NELL1: variants seen among roughly 807,000 people sequenced by gnomAD.
NELL1 encodes neural EGFL like 1, also known as protein kinase C-binding protein NELL1.
In NELL1, 76 loss-of-function variants were observed where a neutral mutation model predicts 107.4. The ratio of observed to expected loss-of-function variants is 0.71; its 90% CI spans 0.59 to 0.86. The LOEUF (loss-of-function observed/expected upper bound fraction) is 0.86, where lower values mean the gene tolerates loss of function less well. Among genes scored for constraint, NELL1 ranks in the 40% least tolerant of loss-of-function variants. NELL1 has a pLI of 0.00. For synonymous variants in NELL1, 353 were observed against 341.2 expected (o/e 1.03, Z -0.38); for missense variants, 1,024 against 1,005.5 (o/e 1.02, Z -0.25).
intron 3 of NELL1, among the ~76,000 whole-genome samples, chr11:20,824,173 C>T (rs1033016643): frequency 3.3e-5 from 5 of 151,180 alleles, no homozygotes; most frequent in South Asian, 2.1e-4. Context: ...TCCCCCACTT[C>T]GCTCTGTGCT....
At chr11:20,787,965 T>C (rs566536544) in intron 3 of NELL1, among the ~76,000 whole-genome samples, 2 of 152,338 alleles carry the variant, frequency 1.3e-5, no homozygotes, top group South Asian at 2.1e-4. Flanking sequence ...ACACTGTGTA[T>C]CCCTTTTTGA....
chr11:21,441,643 G>A (rs914931129), intron 15 of NELL1, among the ~76,000 whole-genome samples: 4 of 151,998 alleles, frequency 2.6e-5, no homozygotes, highest in African/African-American at 9.7e-5. Context: ...CTGCTTCTTA[G>A]GGTGGCAATG....
At chr11:21,023,980 G>A (rs1383577030) in intron 12 of NELL1, among the ~76,000 whole-genome samples, 1 of 152,014 alleles carries the variant, frequency 6.6e-6, no homozygotes, top group African/African-American at 2.4e-5. Context: ...AGATGCAAAT[G>A]TTTCTTAGAA....
intron 12 of NELL1, among the ~76,000 whole-genome samples, chr11:21,035,106 T>C (rs988381552): frequency 1.3e-5 from 2 of 151,274 alleles, no homozygotes; most frequent in African/African-American, 4.8e-5. Flanking sequence ...AGTCTATATA[T>C]ATAAACTGGA....
At chr11:20,908,202 G>A (rs757895266) in intron 5 of NELL1, among the ~76,000 whole-genome samples, 3 of 152,140 alleles carry the variant, frequency 2.0e-5, no homozygotes, top group Admixed American at 6.6e-5. Flanking sequence ...CCATTGCTGG[G>A]TATATAGCCA....
intron 12 of NELL1, among the ~76,000 whole-genome samples, chr11:20,974,647 C>T (rs1347600403): frequency 6.6e-6 from 1 of 152,144 alleles, no homozygotes; most frequent in African/African-American, 2.4e-5. Context: ...CACAACTTCT[C>T]ATAAGCTATG....
chr11:21,128,398 C>A (rs976082449), intron 13 of NELL1, among the ~76,000 whole-genome samples: 13 of 151,960 alleles, frequency 8.6e-5, no homozygotes, highest in African/African-American at 2.7e-4. Flanking sequence ...CGTTGATAAG[C>A]AGACTATAGG....
chr11:21,149,114 G>C (rs1398348897), intron 13 of NELL1, among the ~76,000 whole-genome samples: 1 of 152,110 alleles, frequency 6.6e-6, no homozygotes, highest in African/African-American at 2.4e-5. Flanking sequence ...CCATATTATT[G>C]TTAAAAGCCC....
Position 20,918,195 on chromosome 11 carries a change from A to G in NELL1, c.617A>G (p.Asp206Gly). ...TCTATTATCAAGGGGATCATCCAAGATGGGAAGATCATCTTTATGCCGAAT... is the reference window on the plus strand; with the variant it reads ...TCTATTATCAAGGGGATCATCCAAGGTGGGAAGATCATCTTTATGCCGAAT... Reference protein sequence around the residue: ...KHGLFKGIIQDGKIIFMPNGY... With the variant: ...KHGLFKGIIQGGKIIFMPNGY... The change falls in exon 6 of 20, where the codon GAT (aspartate) becomes GGT (glycine). Residue 206 changes from aspartate (D) to glycine (G), a missense_variant. Coordinates refer to ENST00000357134, the MANE Select transcript of NELL1 (RefSeq NM_006157.5). 1.3e-6 allele frequency: 2 copies of G among 1,593,458 alleles called. No homozygotes were observed. The highest frequency in any genetic ancestry group is 1.7e-6 in the Non-Finnish European group (2 of 1,162,044).
chr11:21,386,140 C>A (rs2133775756), intron 15 of NELL1, among the ~76,000 whole-genome samples: 1 of 151,806 alleles, frequency 6.6e-6, no homozygotes, highest in African/African-American at 2.4e-5. Context: ...GTATTACAAC[C>A]AACATTTGTT....
intron 2 of NELL1, among the ~76,000 whole-genome samples, chr11:20,738,176 CGT>C (rs1398863335): frequency 6.6e-6 from 1 of 152,074 alleles, no homozygotes; most frequent in Non-Finnish European, 1.5e-5. Context: ...CAGCTGTGCA[CGT>C]GTGTTTTCCA....
At chr11:21,539,602 G>A (rs566038834) in intron 16 of NELL1, among the ~76,000 whole-genome samples, 25 of 151,698 alleles carry the variant, frequency 1.6e-4, no homozygotes, top group Middle Eastern at 3.4e-3. Context: ...TCCTCTCTGA[G>A]TGTCCCCAGC....
chr11:21,492,724 A>G (rs1231570668), intron 15 of NELL1, among the ~76,000 whole-genome samples: 1 of 119,094 alleles, frequency 8.4e-6, no homozygotes, highest in Non-Finnish European at 1.6e-5. Context: ...GAAGGGGAAC[A>G]TCACACTCTG....
intron 2 of NELL1, among the ~76,000 whole-genome samples, chr11:20,686,470 G>A (rs889857240): frequency 2.0e-5 from 3 of 152,110 alleles, no homozygotes; most frequent in African/African-American, 4.8e-5. Context: ...AGAATGATTC[G>A]TGAATCAGGC....
intron 15 of NELL1, among the ~76,000 whole-genome samples, chr11:21,445,818 A>C (rs2133851687): frequency 6.6e-6 from 1 of 152,324 alleles, no homozygotes; most frequent in Non-Finnish European, 1.5e-5. Context: ...TGCAGGATAT[A>C]CTATTCTAAG....
rs137892390 is a variant in NELL1, at chr11:21,274,808, G to A, written c.1549+45354G>A. Among the ~76,000 whole-genome samples the A allele has an allele frequency of 7.7e-4, 117 of 152,134 alleles. No individual in the cohort carries two copies. In the East Asian group the frequency reaches 0.013, roughly 17 times the overall value. Reference sequence around the variant, plus strand: ...CTGTTCCTGAATGACTACTGGGTACGTAACGAAATGAAGGCAGAAATAAAG... The same window carrying A: ...CTGTTCCTGAATGACTACTGGGTACATAACGAAATGAAGGCAGAAATAAAG... On this transcript the variant is annotated intron_variant, in intron 14 of 19. Coordinates refer to ENST00000357134, the MANE Select transcript of NELL1 (RefSeq NM_006157.5).
intron 12 of NELL1, among the ~76,000 whole-genome samples, chr11:21,054,142 A>G (rs917708290): frequency 1.3e-5 from 2 of 151,646 alleles, no homozygotes; most frequent in African/African-American, 4.8e-5. Flanking sequence ...TTTGATTTGA[A>G]CTCTTCCAAT....
At chr11:21,313,414 T>C (rs894608744) in intron 14 of NELL1, among the ~76,000 whole-genome samples, 3 of 152,084 alleles carry the variant, frequency 2.0e-5, no homozygotes, top group African/African-American at 7.2e-5. Context: ...ACTCCGAAAA[T>C]AGGGAGTTAT....
intron 17 of NELL1, among the ~76,000 whole-genome samples, chr11:21,564,817 G>A (rs1374625235): frequency 6.6e-6 from 1 of 151,832 alleles, no homozygotes; most frequent in East Asian, 1.9e-4. Flanking sequence ...TCAAAGTGAA[G>A]AAGACCTTTT....
Sources: allele counts gnomAD v4.1 joint callset (sites outside exome capture counted in the v4.1 genomes callset), GRCh38; gene constraint gnomAD v4.1.1; transcripts MANE v1.5; gene names NCBI Gene and HGNC (gene_info 2026-07-23, HGNC 2026-07-21).